The following CEMIP variants were observed in gnomAD, a reference collection of about 807,000 sequenced individuals.
The protein encoded by CEMIP is cell migration-inducing and hyaluronan-binding protein.
In CEMIP, 105 loss-of-function variants were observed where a neutral mutation model predicts 156.9. The observed-to-expected ratio is 0.67, with a 90% CI of 0.57 to 0.79. The LOEUF (loss-of-function observed/expected upper bound fraction) is 0.79. Ranked by LOEUF, CEMIP falls within the 30% of genes least tolerant of loss-of-function variation. The pLI, the probability that CEMIP is intolerant of heterozygous loss-of-function variation, is 0.00. For missense variants in CEMIP, 1,457 were observed against 1,769.4 expected (o/e 0.82, Z 3.17); for synonymous variants, 676 against 668.4 (o/e 1.01, Z -0.17).
intron 11 of CEMIP, 120 bp downstream of exon 11, chr15:80,895,242 G>A (rs1596166641): frequency 7.4e-7 from 1 of 1,346,726 alleles, no homozygotes; most frequent in African/African-American, 1.4e-5. Context: ...GAGCACTTTT[G>A]TGACACGGGA....
rs372531428 is a variant in CEMIP at position 80,925,711 on chromosome 15, C to T, written c.2376C>T (p.His792=). The T allele has an allele frequency of 4.2e-5, 68 of 1,613,588 alleles. No homozygotes were observed. Among genetic ancestry groups the T allele is most frequent in the Middle Eastern group, 1.6e-4 (1 of 6,074 alleles). The part of the protein sequence containing the change: ...RHFIAYKNQD[H]GAWLRGGDVW... ...TCATTGCCTACAAGAACCAGGACCA[C>T]GGGGCCTGGCTGCGCGGCGGGGATG... is the stretch of plus-strand genomic sequence containing the variant. The change falls in exon 19 of 30, where the codon CAC becomes CAT. Residue 792 remains histidine (H), a synonymous_variant. Transcript: ENST00000394685.
intron 1 of CEMIP, among the ~76,000 whole-genome samples, chr15:80,822,739 T>C (rs1896940585): frequency 6.6e-6 from 1 of 152,230 alleles, no homozygotes; most frequent in South Asian, 2.1e-4. Context: ...TTTGGTTTTA[T>C]TTCCTCCTCT....
rs1423437706 is a variant in CEMIP, at chr15:80,879,620, G to A, written c.242-96G>A. Reference sequence around the variant, plus strand: ...GATGTGCCTTTTTGCCTGCCCCGGTGAGATGGGGAGTGCTTAGGGAGTCTG... The same window carrying A: ...GATGTGCCTTTTTGCCTGCCCCGGTAAGATGGGGAGTGCTTAGGGAGTCTG... On this transcript the variant is annotated intron_variant, in intron 4 of 29. Transcript: ENST00000394685. The A allele has an allele frequency of 5.6e-6, 8 of 1,432,860 alleles. No individual in the cohort carries two copies. In the African/African-American group the frequency reaches 8.5e-5, roughly 15 times the overall value. 88.8% of individuals were successfully genotyped at this position (1,432,860 alleles called of 1,614,324 possible). A position where few individuals can be genotyped will look rare whatever the true frequency, so the allele number is the denominator to read the frequency against.
chr15:80,888,208 C>CAA (rs1029510870), intron 8 of CEMIP, among the ~76,000 whole-genome samples: 1 of 142,940 alleles, frequency 7.0e-6, no homozygotes, highest in African/African-American at 2.6e-5. Context: ...ACTAAAATTA[C>CAA]AAAAAAAAAA....
chr15:80,858,981 A>G (rs1897920580), intron 1 of CEMIP, among the ~76,000 whole-genome samples: 1 of 152,170 alleles, frequency 6.6e-6, no homozygotes, highest in Admixed American at 6.5e-5. Flanking sequence ...ACTCTTAGAG[A>G]GGCTCTCTCA....
At chr15:80,867,734 T>G (rs1483676599) in intron 1 of CEMIP, among the ~76,000 whole-genome samples, 3 of 152,184 alleles carry the variant, frequency 2.0e-5, no homozygotes, top group African/African-American at 7.2e-5. Context: ...GAGGGGTGCT[T>G]GGATTGTTCT....
intron 1 of CEMIP, among the ~76,000 whole-genome samples, chr15:80,790,774 A>C (rs1428543167): frequency 6.6e-6 from 1 of 152,232 alleles, no homozygotes; most frequent in Admixed American, 6.5e-5. Flanking sequence ...GAGTAATTGT[A>C]ACCCGAATGC....
In CEMIP at chr15:80,921,019, G is replaced by GC; in HGVS notation, c.2004-10dup. The GC allele has an allele frequency of 6.2e-7, 1 of 1,613,756 alleles. No homozygotes were observed. The stretch of plus-strand genomic sequence containing the variant: ...CCTTTATCTGATCTCAGGTATCTCT[G>GC]CCCTCCCTGCAGTGCTGTGTCCACC... On this transcript the variant is annotated splice_polypyrimidine_tract_variant and intron_variant, in intron 15 of 29. Coordinates refer to ENST00000394685, the MANE Select transcript of CEMIP (RefSeq NM_001293298.2).
intron 1 of CEMIP, among the ~76,000 whole-genome samples, chr15:80,788,052 T>A (rs1198197934): frequency 6.6e-6 from 1 of 152,168 alleles, no homozygotes; most frequent in African/African-American, 2.4e-5. Context: ...TACTGAATCC[T>A]GGGTCTCCAG....
At chr15:80,790,949 A>C (rs1219093052) in intron 1 of CEMIP, among the ~76,000 whole-genome samples, 3 of 152,204 alleles carry the variant, frequency 2.0e-5, no homozygotes, top group African/African-American at 7.2e-5. Flanking sequence ...GCAATATGGA[A>C]GCACTACAAA....
At chr15:80,935,153 A>C (rs1901071599) in intron 23 of CEMIP, among the ~76,000 whole-genome samples, 1 of 152,164 alleles carries the variant, frequency 6.6e-6, no homozygotes, top group Admixed American at 6.5e-5. Flanking sequence ...GGGCAGAGGA[A>C]GGGCCAAGAT....
chr15:80,948,721 G>A lies in CEMIP; in HGVS notation c.3959-76G>A, dbSNP rs149488110. ...CTGGTGGGCGTGGGGGGCTGGCGAT[G>A]GGGAGCCATGGAACGGGGTGGGGCA... On this transcript the variant is annotated intron_variant, in intron 29 of 29. Transcript: ENST00000394685. 1,097 of 1,601,880 alleles carry A rather than the reference G, an allele frequency of 6.8e-4. 1 individual carries two copies. The African/African-American group carries it at 6.9e-3, about 10-fold the overall frequency.
chr15:80,848,709 G>A (rs969788690), intron 1 of CEMIP, among the ~76,000 whole-genome samples: 1 of 152,174 alleles, frequency 6.6e-6, no homozygotes, highest in African/African-American at 2.4e-5. Flanking sequence ...AGGGGTGCAG[G>A]AAGCTGCACC....
chr15:80,800,062 T>TGTGTGG (rs1896338819), intron 1 of CEMIP, among the ~76,000 whole-genome samples: 1 of 150,750 alleles, frequency 6.6e-6, no homozygotes, highest in Non-Finnish European at 1.5e-5. Flanking sequence ...TGTGTGTGTG[T>TGTGTGG]AGACGGGATC....
At chr15:80,914,821 G>C (rs142143221) in intron 14 of CEMIP, among the ~76,000 whole-genome samples, 25 of 147,178 alleles carry the variant, frequency 1.7e-4, no homozygotes, top group African/African-American at 6.1e-4. Flanking sequence ...AATTCATGCA[G>C]AGCTGGCTGT....
chr15:80,932,042 G>C lies in CEMIP; in HGVS notation c.2793+3G>C. ...GCATTGCCTTTGAGGACGTTCCGGT[G>C]AGTGAGGCGCCAGGGCAGACTCCCG... On this transcript the variant is annotated splice_donor_region_variant and intron_variant, in intron 22 of 29. Transcript: ENST00000394685. This position sits in a 1 kb window ranked among gnomAD's most constrained non-coding sequence, Gnocchi z 4.5. The C allele has an allele frequency of 1.2e-6, 2 of 1,612,832 alleles. No individual in the cohort carries two copies. The highest frequency in any genetic ancestry group is 1.7e-6 in the Non-Finnish European group (2 of 1,180,022).
chr15:80,902,585 A>T (rs1899613191), intron 12 of CEMIP, among the ~76,000 whole-genome samples: 1 of 152,168 alleles, frequency 6.6e-6, no homozygotes, highest in South Asian at 2.1e-4. Flanking sequence ...AAAGGTTCTG[A>T]TAGGAAGCTC....
At chr15:80,909,414 C>A in intron 14 of CEMIP, 108 bp downstream of exon 14, 1 of 1,110,140 alleles carries the variant, frequency 9.0e-7, no homozygotes, top group Non-Finnish European at 1.3e-6. Flanking sequence ...GGGATTGAAC[C>A]ATCCTTAGTT....
intron 12 of CEMIP, among the ~76,000 whole-genome samples, chr15:80,905,279 G>A (rs1158926431): frequency 6.6e-6 from 1 of 152,226 alleles, no homozygotes; most frequent in Non-Finnish European, 1.5e-5. Flanking sequence ...CACATGGGAG[G>A]TTACTGCTGT....
Sources: gnomAD v4.1 joint callset for allele counts (sites outside exome capture counted in the v4.1 genomes callset) on GRCh38, gnomAD v4.1.1 for gene constraint, Gnocchi (gnomAD v3.1) non-coding constraint, MANE v1.5 for transcripts, NCBI Gene and HGNC (gene_info 2026-07-23, HGNC 2026-07-21) for gene names.